The following ST6GAL1 variants were observed in gnomAD, a reference collection of about 807,000 sequenced individuals.
ST6GAL1 encodes the protein beta-galactoside alpha-2,6-sialyltransferase 1.
In ST6GAL1, 20 loss-of-function variants were observed where a neutral mutation model predicts 38.0. The observed-to-expected ratio is 0.53, with a 90% CI of 0.37 to 0.77. The LOEUF is 0.77. ST6GAL1 is among the 30% of genes least tolerant of loss of function. The pLI is 0.00. For synonymous variants in ST6GAL1, 196 were observed against 188.2 expected (o/e 1.04, Z -0.34); for missense variants, 432 against 496.4 (o/e 0.87, Z 1.23).
At chr3:187,059,499 C>A (rs76924773) in intron 5 of ST6GAL1, among the ~76,000 whole-genome samples, 7,324 of 152,226 alleles carry the variant, frequency 0.048, 287 homozygotes, top group East Asian at 0.17. Flanking sequence ...TTAATTAATT[C>A]ATTCATTCAA....
At chr3:187,005,157 T>C (rs891080219) in intron 2 of ST6GAL1, among the ~76,000 whole-genome samples, 28 of 152,054 alleles carry the variant, frequency 1.8e-4, no homozygotes, top group African/African-American at 6.8e-4. Flanking sequence ...TCTAGGGATG[T>C]AGGCGTAAGT....
intron 1 of ST6GAL1, among the ~76,000 whole-genome samples, chr3:186,945,583 A>T (rs1432804397): frequency 3.3e-5 from 5 of 152,170 alleles, no homozygotes; most frequent in East Asian, 1.9e-4. Flanking sequence ...AGGGGCAGGG[A>T]TGGGCAGTGA....
intron 4 of ST6GAL1, among the ~76,000 whole-genome samples, chr3:187,050,500 T>G (rs1718469501): frequency 6.7e-6 from 1 of 150,322 alleles, no homozygotes; most frequent in African/African-American, 2.5e-5. Flanking sequence ...TTGACTGGAT[T>G]TAGTACATTG....
At chr3:186,980,120 T>G (rs1448939216) in intron 2 of ST6GAL1, among the ~76,000 whole-genome samples, 1 of 152,178 alleles carries the variant, frequency 6.6e-6, no homozygotes, top group Non-Finnish European at 1.5e-5. Flanking sequence ...TCCTGATATG[T>G]CACACCTTAA....
intron 2 of ST6GAL1, among the ~76,000 whole-genome samples, chr3:187,007,347 AGACCCAG>A (rs1579316810): frequency 6.6e-6 from 1 of 152,248 alleles, no homozygotes; most frequent in African/African-American, 2.4e-5. Flanking sequence ...TGCATGGAAC[AGACCCAG>A]GAGGCACAGA....
chr3:187,046,141 A>G (rs1470565887), intron 4 of ST6GAL1, among the ~76,000 whole-genome samples: 6 of 152,202 alleles, frequency 3.9e-5, no homozygotes, highest in Non-Finnish European at 5.9e-5. Context: ...ACCAGGTCAG[A>G]AGTGCCAGGC....
intron 1 of ST6GAL1, among the ~76,000 whole-genome samples, chr3:186,934,443 TC>T (rs1467240646): frequency 6.9e-6 from 1 of 144,304 alleles, no homozygotes; most frequent in Admixed American, 7.0e-5. Flanking sequence ...ACTCCTGTGG[TC>T]CCAGCTACCT....
intron 2 of ST6GAL1, among the ~76,000 whole-genome samples, chr3:187,007,815 A>T (rs1157337485): frequency 6.6e-6 from 1 of 152,230 alleles, no homozygotes; most frequent in Non-Finnish European, 1.5e-5. Flanking sequence ...ATTAGGAAAG[A>T]TAGAAGTTCT....
chr3:186,970,257 C>A (rs1188364206), intron 2 of ST6GAL1, among the ~76,000 whole-genome samples: 1 of 149,420 alleles, frequency 6.7e-6, no homozygotes, highest in Non-Finnish European at 1.5e-5. Flanking sequence ...CTCTGTCACC[C>A]AGGCTGGAGT....
chr3:186,970,371 C>T (rs1243292358), intron 2 of ST6GAL1, among the ~76,000 whole-genome samples: 1 of 150,800 alleles, frequency 6.6e-6, no homozygotes, highest in Admixed American at 6.6e-5. Context: ...CCTGCCACCA[C>T]GCCCGGCAAA....
At chr3:186,950,559 G>A (rs1274707517) in intron 1 of ST6GAL1, among the ~76,000 whole-genome samples, 1 of 152,210 alleles carries the variant, frequency 6.6e-6, no homozygotes, top group Non-Finnish European at 1.5e-5. Context: ...CTAAAGTGCA[G>A]GCTCCAGGTC....
intron 2 of ST6GAL1, among the ~76,000 whole-genome samples, chr3:187,002,576 G>A (rs886408451): frequency 4.6e-5 from 7 of 152,140 alleles, no homozygotes; most frequent in African/African-American, 1.7e-4. Context: ...CTTTCTTGCC[G>A]CTAAGCATCT....
chr3:187,051,189 C>T, intron 4 of ST6GAL1, 60 bp from the exon 5 acceptor site: 2 of 1,450,622 alleles, frequency 1.4e-6, no homozygotes, highest in Non-Finnish European at 9.7e-7. Context: ...TCTCGTCTTT[C>T]TCTTTTTCTG....
At chr3:186,936,939 C>CAAAAAAA (rs60914982) in intron 1 of ST6GAL1, among the ~76,000 whole-genome samples, 364 of 87,808 alleles carry the variant, frequency 4.1e-3, no homozygotes, top group Non-Finnish European at 5.4e-3. Context: ...AAGACTGTCT[C>CAAAAAAA]AAAAAAAAAA....
At chr3:186,967,655 G>A (rs1715194792) in intron 2 of ST6GAL1, among the ~76,000 whole-genome samples, 1 of 152,204 alleles carries the variant, frequency 6.6e-6, no homozygotes, top group African/African-American at 2.4e-5. Flanking sequence ...CGTGGAGGTG[G>A]TGCCCTGCCT....
Position 186,975,998 on chromosome 3 carries a change from C to T in ST6GAL1, c.-183+12072C>T, listed in dbSNP as rs181353060. On this transcript the variant is annotated intron_variant, in intron 2 of 7. Coordinates refer to ENST00000169298, the MANE Select transcript of ST6GAL1 (RefSeq NM_173216.2). Reference sequence around the variant, plus strand: ...CCATAGGAAACTGCCTGCAACTGCTCGGGACCCACTGGTCTCCTTCTTCCC... The same window carrying T: ...CCATAGGAAACTGCCTGCAACTGCTTGGGACCCACTGGTCTCCTTCTTCCC... 3.3e-5 allele frequency among the ~76,000 whole-genome samples: 5 copies of T among 152,322 alleles called. No homozygotes were observed. In the East Asian group the frequency reaches 7.7e-4, roughly 23 times the overall value.
intron 1 of ST6GAL1, among the ~76,000 whole-genome samples, chr3:186,941,772 G>C (rs1194418748): frequency 6.6e-6 from 1 of 152,110 alleles, no homozygotes; most frequent in African/African-American, 2.4e-5. Flanking sequence ...CAGCACTTTG[G>C]GAGGCCGAGG....
At position 187,078,086 on chromosome 3, in the gene ST6GAL1, T is replaced by G. The variant is rs1719622945; in HGVS notation, c.*2283T>G. On this transcript the variant is annotated 3_prime_UTR_variant, in exon 8 of 8. Coordinates refer to ENST00000169298, the MANE Select transcript of ST6GAL1 (RefSeq NM_173216.2). ...TTAATCTTCGAATCATGACACTGAG[T>G]GCAGAGGAGGTGGCATTCCGACAGC... 6.6e-6 allele frequency: 1 copy of G among 152,576 alleles called. No individual in the cohort carries two copies. The highest frequency in any genetic ancestry group is 6.5e-5 in the Admixed American group (1 of 15,268). 9.5% of individuals were successfully genotyped at this position (152,576 alleles called of 1,614,324 possible).
chr3:187,039,255 GTGA>G (rs1718044389), intron 3 of ST6GAL1, among the ~76,000 whole-genome samples: 1 of 152,208 alleles, frequency 6.6e-6, no homozygotes, highest in African/African-American at 2.4e-5. Context: ...TTCTTTGAAG[GTGA>G]TGATGCAAGT....
Sources: gnomAD v4.1 joint callset for allele counts (sites outside exome capture counted in the v4.1 genomes callset) on GRCh38, gnomAD v4.1.1 for gene constraint, MANE v1.5 for transcripts, NCBI Gene and HGNC (gene_info 2026-07-23, HGNC 2026-07-21) for gene names.